Variants in PIK3C2G observed in about 807,000 individuals in gnomAD.
PIK3C2G encodes phosphatidylinositol-4-phosphate 3-kinase catalytic subunit type 2 gamma.
A neutral mutation model predicts 181.1 loss-of-function variants in PIK3C2G; 168 were observed. The ratio of observed to expected loss-of-function variants is 0.93; its 90% confidence interval spans 0.82 to 1.05. The LOEUF is 1.05. Ranked by LOEUF, PIK3C2G falls within the 50% of genes least tolerant of loss-of-function variation. The probability of loss-of-function intolerance (pLI) is 0.00; values close to 1 mark genes in which losing one functional copy is unlikely to be tolerated. For synonymous variants in PIK3C2G, 573 were observed against 592.2 expected, an observed-to-expected ratio of 0.97 and a Z score of 0.47; for missense variants, 1,869 against 1,732.8, an observed-to-expected ratio of 1.08 and a Z score of -1.40.
Position 18,362,887 on chromosome 12 carries a change from G to C in PIK3C2G, c.1748+1G>C. Reference sequence around the variant, plus strand: ...TTTTCTTGGTCAACTGGAATGAAACGTAAGTTTAATCTTTACTGTATCTGG... The same window carrying C: ...TTTTCTTGGTCAACTGGAATGAAACCTAAGTTTAATCTTTACTGTATCTGG... On this transcript the variant is annotated splice_donor_variant, in intron 12 of 32. Transcript: ENST00000538779. LOFTEE classifies it high-confidence loss of function. 2 of 1,496,246 alleles carry C rather than the reference G, an allele frequency of 1.3e-6. No homozygotes were observed. Among genetic ancestry groups the C allele is most frequent in the Non-Finnish European group, 1.8e-6 (2 of 1,127,196 alleles). The allele number at this position is 1,496,246 out of a possible 1,614,324, so 92.7% of individuals were successfully genotyped here.
chr12:18,243,997 GAGA>G (rs1948013534), upstream of PIK3C2G, among the ~76,000 whole-genome samples: 1 of 151,960 alleles, frequency 6.6e-6, no homozygotes, highest in Non-Finnish European at 1.5e-5. Context: ...TATTCAGTAA[GAGA>G]AGAAGGGAGA....
At chr12:18,673,589 C>A in the PIK3C2G span, among the ~76,000 whole-genome samples, 1 of 152,148 alleles carries the variant, frequency 6.6e-6, no homozygotes, top group Non-Finnish European at 1.5e-5. Context: ...TGTTATGTAA[C>A]AAATTACTCC....
chr12:18,324,013 G>A (rs1256309719), intron 7 of PIK3C2G, among the ~76,000 whole-genome samples: 4 of 152,056 alleles, frequency 2.6e-5, no homozygotes, highest in African/African-American at 9.7e-5. Flanking sequence ...GAGGTCAGGA[G>A]ATCGAGACCA....
intron 31 of PIK3C2G, among the ~76,000 whole-genome samples, chr12:18,635,236 G>A (rs894571725): frequency 2.0e-5 from 3 of 152,300 alleles, no homozygotes; most frequent in East Asian, 3.9e-4. Flanking sequence ...TGACCGCAGG[G>A]AACTCTTTAT....
chr12:18,691,166 G>A, the PIK3C2G span, among the ~76,000 whole-genome samples: 1 of 152,236 alleles, frequency 6.6e-6, no homozygotes, highest in Admixed American at 6.5e-5. Flanking sequence ...TTTAACGTTG[G>A]TCTGGATGTG....
At chr12:18,495,124 A>G (rs1465779103) in intron 20 of PIK3C2G, among the ~76,000 whole-genome samples, 1 of 152,122 alleles carries the variant, frequency 6.6e-6, no homozygotes, top group Non-Finnish European at 1.5e-5. Flanking sequence ...CTTCTTGTAG[A>G]TAACGTTGTT....
At position 18,346,692 on chromosome 12, in the gene PIK3C2G, T is replaced by C; in HGVS notation, c.1481T>C (p.Ile494Thr). The C allele has an allele frequency of 6.2e-7, 1 of 1,613,334 alleles. No individual in the cohort carries two copies. Among genetic ancestry groups the C allele is most frequent in the Non-Finnish European group, 8.5e-7 (1 of 1,179,408 alleles). ...TELSTSIYQL[I>T]NVYCNSFYAD... ...CTATCCACATCCATCTACCAGCTAA[T>C]CAATGTCTACTGTAACAGCTTTTAT... Residue 494 changes from isoleucine (I) to threonine (T), a missense_variant, in exon 11 of 33, where the codon ATC (isoleucine) becomes ACC (threonine). Ile to Thr is a moderately conservative substitution (Grantham distance 89). Coordinates refer to ENST00000538779, the MANE Select transcript of PIK3C2G (RefSeq NM_001288772.2).
At chr12:18,593,231 T>C (rs1167935932) in intron 29 of PIK3C2G, among the ~76,000 whole-genome samples, 1 of 151,952 alleles carries the variant, frequency 6.6e-6, no homozygotes, top group Non-Finnish European at 1.5e-5. Flanking sequence ...CCAAATAATA[T>C]CATGTCCTGG....
intron 30 of PIK3C2G, among the ~76,000 whole-genome samples, chr12:18,608,710 TA>T (rs201273350): frequency 0.023 from 3,422 of 151,904 alleles, 126 homozygotes; most frequent in African/African-American, 0.078. Context: ...AGTATAATAA[TA>T]AAAAAAGTAT....
chr12:18,330,009 C>T (rs1028643840), intron 8 of PIK3C2G, among the ~76,000 whole-genome samples: 12 of 151,948 alleles, frequency 7.9e-5, no homozygotes, highest in Non-Finnish European at 1.2e-4. Context: ...CAAACTTTTG[C>T]GGATATTTCC....
chr12:18,543,355 T>C (rs1436049083), intron 25 of PIK3C2G, among the ~76,000 whole-genome samples: 1 of 151,998 alleles, frequency 6.6e-6, no homozygotes, highest in East Asian at 1.9e-4. Context: ...GTTTACTCCG[T>C]TGATAGTTTC....
rs764280933 is a variant in PIK3C2G, at chr12:18,325,031, CCAGA to C, written c.1209-1_1211del. 4.7e-6 allele frequency: 7 copies of C among 1,488,106 alleles called. No homozygotes were observed. In the African/African-American group the frequency reaches 9.8e-5, roughly 21 times the overall value. 92.2% of individuals were successfully genotyped at this position (1,488,106 alleles called of 1,614,324 possible). On this transcript the variant is annotated splice_acceptor_variant and splice_polypyrimidine_tract_variant and coding_sequence_variant and intron_variant, in exon 8 of 33. Transcript: ENST00000538779. LOFTEE classifies it high-confidence loss of function. The stretch of plus-strand genomic sequence containing the variant: ...AAACAAAGTTTCTATTTTTTATTTT[CCAGA>C]CAATGTCTCTTAACACTCATCAGAA...
intron 31 of PIK3C2G, among the ~76,000 whole-genome samples, chr12:18,621,945 T>C (rs1309723188): frequency 6.6e-6 from 1 of 151,836 alleles, no homozygotes; most frequent in Non-Finnish European, 1.5e-5. Context: ...AAATTATAAT[T>C]GTATATATGT....
chr12:18,277,884 C>T (rs1003832524), intron 1 of PIK3C2G, among the ~76,000 whole-genome samples: 1 of 152,068 alleles, frequency 6.6e-6, no homozygotes, highest in African/African-American at 2.4e-5. Context: ...CAGAAACTGA[C>T]CTCTTGCAAG....
intron 13 of PIK3C2G, among the ~76,000 whole-genome samples, chr12:18,374,653 C>T (rs912251696): frequency 6.6e-6 from 1 of 152,164 alleles, no homozygotes; most frequent in Non-Finnish European, 1.5e-5. Flanking sequence ...CACTACCCTA[C>T]AAGAGGGATA....
At chr12:18,267,992 G>A (rs1257446069) in intron 1 of PIK3C2G, among the ~76,000 whole-genome samples, 1 of 152,206 alleles carries the variant, frequency 6.6e-6, no homozygotes, top group African/African-American at 2.4e-5. Flanking sequence ...ACTGAAAGGT[G>A]TTGCTGTGCA....
At chr12:18,692,902 G>T in the PIK3C2G span, 1 of 1,601,376 alleles carries the variant, frequency 6.2e-7, no homozygotes. Flanking sequence ...AAAACAAAGG[G>T]ACCAGATGCT....
chr12:18,685,724 CA>C, the PIK3C2G span: 20 of 487,416 alleles, frequency 4.1e-5, no homozygotes, highest in African/African-American at 3.5e-4. Context: ...ATAGATACTG[CA>C]AAACATCTGC....
intron 30 of PIK3C2G, among the ~76,000 whole-genome samples, chr12:18,595,502 T>C (rs1189471740): frequency 6.6e-6 from 1 of 152,138 alleles, no homozygotes; most frequent in African/African-American, 2.4e-5. Flanking sequence ...AATAGTAATA[T>C]TTAACTCTAA....
Sources: allele counts gnomAD v4.1 joint callset (sites outside exome capture counted in the v4.1 genomes callset), GRCh38; gene constraint gnomAD v4.1.1; transcripts MANE v1.5; gene names NCBI Gene and HGNC (gene_info 2026-07-23, HGNC 2026-07-21).